C1orf146: variants seen among roughly 807,000 people sequenced by gnomAD.
C1orf146 encodes chromosome 1 open reading frame 146, also known as protein SPO16 homolog.
Under a neutral mutation model 23.0 loss-of-function variants are expected in C1orf146, and 22 were observed. That is an observed-to-expected ratio of 0.96 (90% CI 0.68 to 1.36). The LOEUF is 1.36. Ranked by LOEUF, C1orf146 falls within the 40% of genes most tolerant of loss-of-function variation. C1orf146 has a pLI of 0.00. For synonymous variants in C1orf146, 59 were observed against 65.3 expected, an observed-to-expected ratio of 0.90 and a Z score of 0.47; for missense variants, 199 against 206.8, an observed-to-expected ratio of 0.96 and a Z score of 0.23.
chr1:92,244,668 T>C, intron 4 of C1orf146, 111 bp from the exon 5 acceptor site: 4 of 709,748 alleles, frequency 5.6e-6, no homozygotes, highest in Non-Finnish European at 9.6e-6. Flanking sequence ...AGGCAGGGCA[T>C]GAATGCATAG....
At chr1:92,234,280 G>A (rs1423517442) in intron 2 of C1orf146, among the ~76,000 whole-genome samples, 2 of 152,110 alleles carry the variant, frequency 1.3e-5, no homozygotes, top group African/African-American at 2.4e-5. Context: ...TTTGAGATAC[G>A]TCCCATCAAT....
intron 1 of C1orf146, among the ~76,000 whole-genome samples, chr1:92,227,268 C>T (rs1398218122): frequency 2.6e-5 from 4 of 152,210 alleles, no homozygotes; most frequent in Admixed American, 6.5e-5. Flanking sequence ...TTTGGCCGGG[C>T]GTGGTGGCTC....
chr1:92,241,226 ATTT>A (rs990096100), intron 2 of C1orf146, among the ~76,000 whole-genome samples: 2 of 134,930 alleles, frequency 1.5e-5, no homozygotes, highest in East Asian at 2.5e-4. Flanking sequence ...TATTATTATT[ATTT>A]GAGACAGGGT....
At chr1:92,225,644 A>G (rs1651947353) in intron 1 of C1orf146, among the ~76,000 whole-genome samples, 1 of 151,946 alleles carries the variant, frequency 6.6e-6, no homozygotes, top group Non-Finnish European at 1.5e-5. Flanking sequence ...TGTAGTTTGT[A>G]TGACTTTTGT....
intron 4 of C1orf146, 74 bp from the exon 5 acceptor site, chr1:92,244,705 C>T: frequency 2.1e-6 from 2 of 943,458 alleles, no homozygotes; most frequent in South Asian, 1.5e-5. Context: ...AGAGATTTGT[C>T]TCTTCTTTCC....
At chr1:92,234,464 C>T (rs1652221311) in intron 2 of C1orf146, among the ~76,000 whole-genome samples, 1 of 152,170 alleles carries the variant, frequency 6.6e-6, no homozygotes, top group African/African-American at 2.4e-5. Flanking sequence ...ATGAGGCCCA[C>T]TTGATCATGG....
At chr1:92,231,685 C>G (rs551692428) in intron 2 of C1orf146, among the ~76,000 whole-genome samples, 199 bp downstream of exon 2, 2 of 150,870 alleles carry the variant, frequency 1.3e-5, no homozygotes, top group Admixed American at 6.6e-5. Context: ...TTCCTTAATT[C>G]TTTGAAGGTT....
intron 2 of C1orf146, among the ~76,000 whole-genome samples, chr1:92,238,493 T>C (rs1248028848): frequency 6.6e-6 from 1 of 152,234 alleles, no homozygotes; most frequent in African/African-American, 2.4e-5. Flanking sequence ...CTCATAGGAC[T>C]AATATTCTAT....
intron 1 of C1orf146, among the ~76,000 whole-genome samples, chr1:92,225,520 C>T (rs1325839626): frequency 1.3e-5 from 2 of 152,118 alleles, no homozygotes; most frequent in Non-Finnish European, 2.9e-5. Flanking sequence ...GCCTAACATC[C>T]ATTATGATTT....
At chr1:92,245,305 C>T (rs1349413239) in intron 5 of C1orf146, among the ~76,000 whole-genome samples, 2 of 152,182 alleles carry the variant, frequency 1.3e-5, no homozygotes, top group Non-Finnish European at 2.9e-5. Flanking sequence ...ATACTTGGAA[C>T]ATATCCCCAT....
chr1:92,236,602 T>C (rs1652282852), intron 2 of C1orf146, among the ~76,000 whole-genome samples: 1 of 152,182 alleles, frequency 6.6e-6, no homozygotes, highest in Non-Finnish European at 1.5e-5. Context: ...GTTGCTCTTC[T>C]TGAGGAGTAT....
chr1:92,228,501 G>C (rs1427009883), intron 1 of C1orf146, among the ~76,000 whole-genome samples: 1 of 152,140 alleles, frequency 6.6e-6, no homozygotes, highest in East Asian at 1.9e-4. Flanking sequence ...CTCCATAGGG[G>C]ATTTACTTTT....
rs1023221786 is a variant in C1orf146 at position 92,242,290 on chromosome 1, A to T, written c.145A>T (p.Ile49Leu). Reference protein sequence around the residue: ...YSDSVENGSIIFSLSGVAFLL... With the variant: ...YSDSVENGSILFSLSGVAFLL... ...AGATTCAGTGGAAAATGGATCAATT[A>T]TATTTTCTCTTTCTGGTATGGTATA... Residue 49 changes from isoleucine (I) to leucine (L), a missense_variant, in exon 3 of 6, where the codon ATA becomes TTA. By Grantham distance (5) the Ile-to-Leu change is conservative. Transcript: ENST00000370375. 8.8e-6 allele frequency: 14 copies of T among 1,589,554 alleles called. No homozygotes were observed. In the South Asian group the frequency reaches 1.5e-4, roughly 17 times the overall value.
intron 4 of C1orf146, 22 bp downstream of exon 4, chr1:92,244,407 G>T: frequency 6.5e-7 from 1 of 1,534,436 alleles, no homozygotes; most frequent in Non-Finnish European, 8.8e-7. Flanking sequence ...TAGCATTATA[G>T]ACTTATTTTT....
At chr1:92,233,513 C>A (rs1350279944) in intron 2 of C1orf146, among the ~76,000 whole-genome samples, 3 of 152,132 alleles carry the variant, frequency 2.0e-5, no homozygotes, top group Admixed American at 6.6e-5. Context: ...GTTACTGTAG[C>A]CTTGTAGTAT....
intron 1 of C1orf146, among the ~76,000 whole-genome samples, chr1:92,225,934 TTTTG>T (rs1651954465): frequency 6.6e-6 from 1 of 152,332 alleles, no homozygotes; most frequent in South Asian, 2.1e-4. Flanking sequence ...TATAGTTGGA[TTTTG>T]GTTTGACTGT....
intron 4 of C1orf146, 54 bp from the exon 5 acceptor site, chr1:92,244,725 A>C: frequency 8.9e-7 from 1 of 1,127,772 alleles, no homozygotes; most frequent in Non-Finnish European, 1.3e-6. Flanking sequence ...CACTTTCTTA[A>C]GAGAACAGAT....
chr1:92,239,242 C>T (rs1652371901), intron 2 of C1orf146, among the ~76,000 whole-genome samples: 1 of 152,122 alleles, frequency 6.6e-6, no homozygotes, highest in Non-Finnish European at 1.5e-5. Flanking sequence ...TGTTTCTGTT[C>T]TCTATTGTTT....
At chr1:92,227,889 A>T (rs1411840788) in intron 1 of C1orf146, among the ~76,000 whole-genome samples, 1 of 149,802 alleles carries the variant, frequency 6.7e-6, no homozygotes, top group Non-Finnish European at 1.5e-5. Flanking sequence ...TAATCTGTTC[A>T]GATTTATTAT....
Sources: gnomAD v4.1 joint callset for allele counts (sites outside exome capture counted in the v4.1 genomes callset) on GRCh38, gnomAD v4.1.1 for gene constraint, MANE v1.5 for transcripts, NCBI Gene and HGNC (gene_info 2026-07-23, HGNC 2026-07-21) for gene names.